GFM2: variants seen among roughly 807,000 people sequenced by gnomAD.
GFM2 encodes the protein GTP dependent ribosome recycling factor mitochondrial 2.
In GFM2, 72 loss-of-function variants were observed where a neutral mutation model predicts 95.4. That is an observed-to-expected ratio of 0.76 (90% CI 0.62 to 0.92). GFM2 has a LOEUF of 0.92. Among genes scored for constraint, GFM2 ranks in the 40% least tolerant of loss-of-function variants. The probability of loss-of-function intolerance (pLI) is 0.00; values close to 1 mark genes in which losing one functional copy is unlikely to be tolerated. For missense variants in GFM2, 825 were observed against 924.1 expected (o/e 0.89, Z 1.39); for synonymous variants, 276 against 317.5 (o/e 0.87, Z 1.39).
intron 2 of GFM2, 152 bp downstream of exon 2, chr5:74,763,528 T>C (rs1012921498): frequency 3.6e-5 from 17 of 476,158 alleles, no homozygotes; most frequent in Non-Finnish European, 5.6e-5. Flanking sequence ...TAAATTAAGG[T>C]AATTACTTTC....
Position 74,721,630 on chromosome 5 carries a change from A to C in GFM2, c.*25T>G, listed in dbSNP as rs1268873407. The C allele has an allele frequency of 2.5e-6, 4 of 1,602,352 alleles. No homozygotes were observed. Among genetic ancestry groups the C allele is most frequent in the Non-Finnish European group, 3.4e-6 (4 of 1,175,544 alleles). ...AAAATGAAGTAGCTAGGTGCTCCTG[A>C]ATTTCTCTCCAAAAACTAAAACATT... On this transcript the variant is annotated 3_prime_UTR_variant, in exon 21 of 21. Coordinates refer to ENST00000296805, the MANE Select transcript of GFM2 (RefSeq NM_032380.5).
intron 5 of GFM2, among the ~76,000 whole-genome samples, chr5:74,758,569 C>T (rs372145413): frequency 2.4e-4 from 37 of 152,332 alleles, no homozygotes; most frequent in African/African-American, 8.9e-4. Context: ...GAAAGAAACA[C>T]CTAATGCTGG....
intron 15 of GFM2, chr5:74,736,581 G>C: frequency 7.1e-7 from 1 of 1,399,648 alleles, no homozygotes; most frequent in Non-Finnish European, 9.2e-7. Context: ...AATATAATAT[G>C]AGAAGAATGG....
chr5:74,764,641 A>G lies in GFM2; in HGVS notation c.-24-875T>C, dbSNP rs188946834. On this transcript the variant is annotated intron_variant, in intron 1 of 20. Coordinates refer to ENST00000296805, the MANE Select transcript of GFM2 (RefSeq NM_032380.5). ...AACCATTGTGATCCATGTTATTAAG[A>G]TATGTGAAACCTCATTACTACTCCT... Among the ~76,000 whole-genome samples the G allele has an allele frequency of 2.0e-5, 3 of 152,142 alleles. No individual in the cohort carries two copies. In the East Asian group the frequency reaches 5.8e-4, roughly 29 times the overall value.
intron 19 of GFM2, among the ~76,000 whole-genome samples, chr5:74,724,689 G>A (rs1019879420): frequency 3.3e-5 from 5 of 152,078 alleles, no homozygotes; most frequent in African/African-American, 7.2e-5. Context: ...TAGGTTAGGG[G>A]TTTGGAATAC....
chr5:74,759,115 G>A (rs1216436881), intron 4 of GFM2, among the ~76,000 whole-genome samples, 169 bp from the exon 5 acceptor site: 1 of 152,136 alleles, frequency 6.6e-6, no homozygotes, highest in Non-Finnish European at 1.5e-5. Context: ...AGATAGCTAA[G>A]TAACAAAAGG....
At chr5:74,725,858 A>G (rs1750122280) in intron 18 of GFM2, 83 bp downstream of exon 18, 9 of 1,476,324 alleles carry the variant, frequency 6.1e-6, no homozygotes, top group Admixed American at 1.7e-5. Flanking sequence ...AAGTTAGGAA[A>G]AAGACTGAAA....
chr5:74,748,890 T>TAAATA (rs371140841), intron 7 of GFM2, among the ~76,000 whole-genome samples: 3,654 of 76,746 alleles, frequency 0.048, 208 homozygotes, highest in African/African-American at 0.15. Context: ...TAAAATAAAA[T>TAAATA]AAATAAAATA....
rs767915983 is a variant in GFM2 at position 74,758,818 on chromosome 5, G to C, written c.304+31C>G. 1.8e-5 allele frequency: 24 copies of C among 1,315,732 alleles called. No homozygotes were observed. The East Asian group carries it at 1.8e-4, about 10-fold the overall frequency. 81.5% of individuals were successfully genotyped at this position (1,315,732 alleles called of 1,614,324 possible). ...TTTCCAATGATGCTTTTGCTAATGG[G>C]GGGGTGGGAAGAGGAGGAATCCATT... On this transcript the variant is annotated intron_variant, in intron 5 of 20. Transcript: ENST00000296805.
chr5:74,747,809 T>A (rs1438190914), intron 7 of GFM2, 29 bp from the exon 8 acceptor site: 1 of 1,298,152 alleles, frequency 7.7e-7, no homozygotes, highest in East Asian at 2.3e-5. Flanking sequence ...AAAAAATACA[T>A]ACTGAACAAA....
chr5:74,726,623 AG>A (rs1413185316), intron 17 of GFM2, among the ~76,000 whole-genome samples: 1 of 152,206 alleles, frequency 6.6e-6, no homozygotes, highest in Non-Finnish European at 1.5e-5. Flanking sequence ...CCAAAAAACC[AG>A]TAAAGTGTTT....
intron 15 of GFM2, chr5:74,733,395 A>AT (rs1742674935): frequency 5.0e-6 from 1 of 198,504 alleles, no homozygotes; most frequent in Non-Finnish European, 1.0e-5. Flanking sequence ...AAAGAAGCTG[A>AT]TATAATAATA....
intron 16 of GFM2, 61 bp from the exon 17 acceptor site, chr5:74,730,459 A>T: frequency 8.7e-7 from 1 of 1,150,874 alleles, no homozygotes; most frequent in Non-Finnish European, 1.2e-6. Flanking sequence ...GCAGAATACT[A>T]TATAAAAGTA....
chr5:74,756,908 G>A (rs1744015203), intron 5 of GFM2, among the ~76,000 whole-genome samples: 1 of 152,060 alleles, frequency 6.6e-6, no homozygotes, highest in African/African-American at 2.4e-5. Flanking sequence ...ATGAACTTTG[G>A]GGACTCAGGA....
intron 14 of GFM2, among the ~76,000 whole-genome samples, chr5:74,737,387 A>G (rs1258475864): frequency 6.6e-6 from 1 of 152,206 alleles, no homozygotes; most frequent in African/African-American, 2.4e-5. Flanking sequence ...ATAATTAACC[A>G]GAATACCCTT....
Position 74,721,646 on chromosome 5 carries a change from C to CT in GFM2, c.*8dup, listed in dbSNP as rs1561230788. 6.2e-7 allele frequency: 1 copy of CT among 1,605,738 alleles called. No individual in the cohort carries two copies. The highest frequency in any genetic ancestry group is 2.2e-5 in the East Asian group (1 of 44,842). On this transcript the variant is annotated 3_prime_UTR_variant, in exon 21 of 21. Coordinates refer to ENST00000296805, the MANE Select transcript of GFM2 (RefSeq NM_032380.5). ...GTGCTCCTGAATTTCTCTCCAAAAACTAAAACATTTAGGTCAAACCACTTC... is the reference window on the plus strand; with the variant it reads ...GTGCTCCTGAATTTCTCTCCAAAAACTTAAAACATTTAGGTCAAACCACTTC...
chr5:74,750,793 T>G (rs1355846910), intron 6 of GFM2, 126 bp from the exon 7 acceptor site: 7 of 655,438 alleles, frequency 1.1e-5, no homozygotes, highest in Non-Finnish European at 1.9e-5. Context: ...ATAAAGGTAT[T>G]GAAAGCAGAG....
chr5:74,749,533 G>C (rs1443664446), intron 7 of GFM2, among the ~76,000 whole-genome samples: 2 of 152,040 alleles, frequency 1.3e-5, no homozygotes, highest in Admixed American at 6.6e-5. Context: ...GTCCATTCAA[G>C]TTTTTTGTCC....
intron 1 of GFM2, among the ~76,000 whole-genome samples, chr5:74,766,196 T>C (rs1336941290): frequency 6.6e-6 from 1 of 152,112 alleles, no homozygotes; most frequent in Non-Finnish European, 1.5e-5. Flanking sequence ...GCTCGCTACT[T>C]TTGAGGCTGA....
Sources: gnomAD v4.1 joint callset for allele counts (sites outside exome capture counted in the v4.1 genomes callset) on GRCh38, gnomAD v4.1.1 for gene constraint, MANE v1.5 for transcripts, NCBI Gene and HGNC (gene_info 2026-07-23, HGNC 2026-07-21) for gene names.